PCDHGA4: variants seen among roughly 807,000 people sequenced by gnomAD.
PCDHGA4 encodes protocadherin gamma subfamily A, 4, also known as protocadherin gamma-A4.
A neutral mutation model predicts 54.6 loss-of-function variants in PCDHGA4; 38 were observed. The ratio of observed to expected loss-of-function variants is 0.70; its 90% CI spans 0.54 to 0.91. The LOEUF is 0.91. Ranked by LOEUF, PCDHGA4 falls within the 40% of genes least tolerant of loss-of-function variation. PCDHGA4 has a pLI of 0.00. For synonymous variants in PCDHGA4, 511 were observed against 512.9 expected, an observed-to-expected ratio of 1.00 and a Z score of 0.05; for missense variants, 1,298 against 1,220.9, an observed-to-expected ratio of 1.06 and a Z score of -0.94.
At chr5:141,427,584 A>G in intron 1 of PCDHGA4, 1 of 674,672 alleles carries the variant, frequency 1.5e-6, no homozygotes, top group Non-Finnish European at 2.7e-6. Context: ...CTCATCCAGC[A>G]CAAGCCTCAC....
rs1759805102 is a variant in PCDHGA4 at position 141,355,336 on chromosome 5, G to A, written c.229G>A (p.Gly77Ser). 6.2e-7 allele frequency: 1 copy of A among 1,613,888 alleles called. No individual in the cohort carries two copies. The highest frequency in any genetic ancestry group is 1.3e-5 in the African/African-American group (1 of 74,942). ...GGAGCAGGAAGAAGGCTCAGTGGTG[G>A]GCAACATCGCCAAGGACCTGGGGTT... Reference protein sequence around the residue: ...FEEQEEGSVVGNIAKDLGLAP... With the variant: ...FEEQEEGSVVSNIAKDLGLAP... The change falls in exon 1 of 4, where the codon GGC becomes AGC. Residue 77 changes from glycine to serine, a missense_variant. Physicochemically the swap from Gly to Ser is moderately conservative, Grantham distance 56 (BLOSUM62 0). Transcript: ENST00000571252.
rs1344998245 is a variant in PCDHGA4 at position 141,400,678 on chromosome 5, T to C, written c.2514+43057T>C. 7.9e-6 allele frequency: 7 copies of C among 881,884 alleles called. No homozygotes were observed. The East Asian group carries it at 1.5e-4, about 19-fold the overall frequency. The allele number at this position is 881,884 out of a possible 1,614,324, so 54.6% of individuals were successfully genotyped here. On this transcript the variant is annotated intron_variant, in intron 1 of 3. Coordinates refer to ENST00000571252, the MANE Select transcript of PCDHGA4 (RefSeq NM_018917.4). ...ACCATTCTTTAAGAGGAGCAGTAAA[T>C]TGTGAGTTTTTATGTCGCATAAAAG...
chr5:141,372,280 C>T, intron 1 of PCDHGA4: 2 of 1,613,164 alleles, frequency 1.2e-6, no homozygotes, highest in Admixed American at 1.7e-5. Flanking sequence ...GTGCGCACGG[C>T]GCGTACCTTG....
intron 3 of PCDHGA4, 73 bp from the exon 4 acceptor site, chr5:141,510,874 G>A (rs1419164967): frequency 3.7e-6 from 6 of 1,610,008 alleles, no homozygotes; most frequent in Admixed American, 1.7e-5. Context: ...TTCATTAACT[G>A]CTGGGGATAT....
chr5:141,419,321 T>G, intron 1 of PCDHGA4: 1 of 1,613,950 alleles, frequency 6.2e-7, no homozygotes, highest in Non-Finnish European at 8.5e-7. Context: ...CGGCCGTGTC[T>G]CCTACTCTCT....
At chr5:141,381,443 C>T (rs1777196570) in intron 1 of PCDHGA4, among the ~76,000 whole-genome samples, 1 of 152,224 alleles carries the variant, frequency 6.6e-6, no homozygotes, top group Admixed American at 6.5e-5. Flanking sequence ...CCTGTCAGGA[C>T]AGTCCTGCAT....
In PCDHGA4 at chr5:141,490,072, G is replaced by A; in HGVS notation, c.2515-4735G>A. On this transcript the variant is annotated intron_variant, in intron 1 of 3. Transcript: ENST00000571252. This position sits in a 1 kb window ranked among gnomAD's most constrained non-coding sequence, Gnocchi z 5.4. ...AGACGAGGGCACCAACGGCCAACTA[G>A]ACTATTCTTTTGGAGACCACACATC... is the stretch of plus-strand genomic sequence containing the variant. The A allele has an allele frequency of 6.2e-7, 1 of 1,614,254 alleles. No homozygotes were observed. The highest frequency in any genetic ancestry group is 8.5e-7 in the Non-Finnish European group (1 of 1,180,042).
intron 1 of PCDHGA4, among the ~76,000 whole-genome samples, chr5:141,468,089 T>C (rs1349447353): frequency 6.6e-6 from 1 of 151,010 alleles, no homozygotes; most frequent in Non-Finnish European, 1.5e-5. Context: ...CTTTGGGAGG[T>C]TGAGGCAGGC....
Position 141,434,824 on chromosome 5 carries a change from A to C in PCDHGA4, c.2515-59983A>C, listed in dbSNP as rs143305842. ...CTTGGAGAAATATATCCCTTAGTACACTTGGCATTTATAAAGCAGACATCA... is the reference window on the plus strand; with the variant it reads ...CTTGGAGAAATATATCCCTTAGTACCCTTGGCATTTATAAAGCAGACATCA... On this transcript the variant is annotated intron_variant, in intron 1 of 3. Coordinates refer to ENST00000571252, the MANE Select transcript of PCDHGA4 (RefSeq NM_018917.4). 7.9e-4 allele frequency among the ~76,000 whole-genome samples: 120 copies of C among 152,004 alleles called. 2 individuals are homozygous for C. The highest frequency in any genetic ancestry group is 2.8e-3 in the African/African-American group (115 of 41,454).
rs747722740 is a variant in PCDHGA4, at chr5:141,485,835, C to G, written c.2515-8972C>G. 3 of 1,614,190 alleles carry G rather than the reference C, an allele frequency of 1.9e-6. No homozygotes were observed. In the South Asian group the frequency reaches 3.3e-5, roughly 18 times the overall value. On this transcript the variant is annotated intron_variant, in intron 1 of 3. Transcript: ENST00000571252. This position sits in a 1 kb window ranked among gnomAD's most constrained non-coding sequence, Gnocchi z 5.7. ...ACTGCTGTCGATGGAGGGAACCCGC[C>G]GAGATCTGGCACCGCAGAGCTCCGG...
chr5:141,361,541 C>CCA (rs1554077800), intron 1 of PCDHGA4: 4 of 1,613,956 alleles, frequency 2.5e-6, no homozygotes, highest in Non-Finnish European at 1.7e-6. Context: ...CCTCCTGGCG[C>CCA]CTCTATCGCT....
rs115281328 is a variant in PCDHGA4, at chr5:141,377,595, C to T, written c.2514+19974C>T. 1,339 of 144,106 alleles carry T rather than the reference C, an allele frequency of 9.3e-3. 18 individuals are homozygous for T. Among genetic ancestry groups the T allele is most frequent in the African/African-American group, 0.033 (1,264 of 38,356 alleles). 8.9% of individuals were successfully genotyped at this position (144,106 alleles called of 1,614,324 possible). The stretch of plus-strand genomic sequence containing the variant: ...TGGGAGACAGAATGAGACTTTTTCT[C>T]TCTCTCTCTCAAAAAAAAAAAAAGA... On this transcript the variant is annotated intron_variant, in intron 1 of 3. Coordinates refer to ENST00000571252, the MANE Select transcript of PCDHGA4 (RefSeq NM_018917.4).
chr5:141,503,367 C>T (rs1038565489), intron 2 of PCDHGA4, among the ~76,000 whole-genome samples: 5 of 151,908 alleles, frequency 3.3e-5, no homozygotes, highest in African/African-American at 9.7e-5. Flanking sequence ...GAAGCGGAGG[C>T]AGGTGGATCA....
At chr5:141,435,314 G>T (rs1490871069) in intron 1 of PCDHGA4, among the ~76,000 whole-genome samples, 6 of 152,006 alleles carry the variant, frequency 3.9e-5, no homozygotes, top group African/African-American at 9.7e-5. Flanking sequence ...AATCATTCAT[G>T]AACTTCCAAA....
At chr5:141,414,703 T>C in intron 1 of PCDHGA4, 1 of 1,613,994 alleles carries the variant, frequency 6.2e-7, no homozygotes. Flanking sequence ...CTCATACATA[T>C]CCATCAACTC....
intron 1 of PCDHGA4, chr5:141,388,297 T>C (rs2091308790): frequency 1.9e-6 from 3 of 1,613,660 alleles, no homozygotes; most frequent in African/African-American, 2.7e-5. Flanking sequence ...CAAAATTCCT[T>C]TGAGCTGCAA....
chr5:141,389,233 T>C (rs1374129511), intron 1 of PCDHGA4: 1 of 1,613,926 alleles, frequency 6.2e-7, no homozygotes, highest in Non-Finnish European at 8.5e-7. Context: ...GCTCCGGTTT[T>C]CTCACAGTCT....
chr5:141,493,336 A>G lies in PCDHGA4; in HGVS notation c.2515-1471A>G, dbSNP rs1049621539. Among the ~76,000 whole-genome samples, 4 of 152,202 alleles carry G rather than the reference A, an allele frequency of 2.6e-5. No homozygotes were observed. Among genetic ancestry groups the G allele is most frequent in the African/African-American group, 9.7e-5 (4 of 41,450 alleles). On this transcript the variant is annotated intron_variant, in intron 1 of 3. Transcript: ENST00000571252. The surrounding 1 kb of genome is among the most constrained non-coding windows in gnomAD (Gnocchi z 4.3). ...GAGATTCTAACCCCTGTCTAACTCC[A>G]GAATGTGTGCTTTTAATTTCTTGGC...
At chr5:141,371,631 G>A in intron 1 of PCDHGA4, 5 of 1,614,006 alleles carry the variant, frequency 3.1e-6, no homozygotes, top group Non-Finnish European at 3.4e-6. Flanking sequence ...CCTGGACCGG[G>A]AGCAGATCCC....
Sources: allele counts gnomAD v4.1 joint callset (sites outside exome capture counted in the v4.1 genomes callset), GRCh38; gene constraint gnomAD v4.1.1; non-coding constraint Gnocchi (gnomAD v3.1); transcripts MANE v1.5; gene names NCBI Gene and HGNC (gene_info 2026-07-23, HGNC 2026-07-21).